The following ZFAND3 variants were observed in gnomAD, a reference collection of about 807,000 sequenced individuals.
ZFAND3 encodes the protein AN1-type zinc finger protein 3.
In ZFAND3, 10 loss-of-function variants were observed where a neutral mutation model predicts 29.6. The ratio of observed to expected loss-of-function variants is 0.34; its 90% confidence interval spans 0.21 to 0.57. The LOEUF (loss-of-function observed/expected upper bound fraction) is 0.57. Among genes scored for constraint, ZFAND3 ranks in the 20% least tolerant of loss-of-function variants. The pLI is 0.86. For synonymous variants in ZFAND3, 128 were observed against 112.6 expected (o/e 1.14, Z -0.87); for missense variants, 230 against 304.5 (o/e 0.76, Z 1.82).
intron 2 of ZFAND3, among the ~76,000 whole-genome samples, chr6:38,000,039 G>C (rs1762917731): frequency 5.9e-5 from 9 of 151,874 alleles, no homozygotes; most frequent in Admixed American, 5.9e-4. Context: ...AATAAATAAA[G>C]CTTTTTTAAA....
chr6:37,842,237 T>C (rs758962383), intron 1 of ZFAND3, among the ~76,000 whole-genome samples: 1 of 152,138 alleles, frequency 6.6e-6, no homozygotes, highest in Non-Finnish European at 1.5e-5. Context: ...CCCAAACCTT[T>C]ACCAGGAGAT....
chr6:37,943,902 C>T (rs1026116167), intron 2 of ZFAND3, among the ~76,000 whole-genome samples: 32 of 152,304 alleles, frequency 2.1e-4, no homozygotes, highest in Admixed American at 1.4e-3. Context: ...AGTTTCCTTT[C>T]TCCTTCCAGT....
chr6:37,850,878 G>T (rs1339770035), intron 1 of ZFAND3, among the ~76,000 whole-genome samples: 1 of 152,022 alleles, frequency 6.6e-6, no homozygotes, highest in Non-Finnish European at 1.5e-5. Context: ...GGGATTACAG[G>T]TGTGAGCCAC....
At chr6:38,053,348 T>C (rs561612411) in intron 2 of ZFAND3, among the ~76,000 whole-genome samples, 2 of 149,458 alleles carry the variant, frequency 1.3e-5, no homozygotes, top group East Asian at 2.0e-4. Context: ...TTGTGGAGAG[T>C]AGATCAGACT....
chr6:38,046,478 T>C (rs947151590), intron 2 of ZFAND3, among the ~76,000 whole-genome samples: 1 of 152,254 alleles, frequency 6.6e-6, no homozygotes, highest in Non-Finnish European at 1.5e-5. Flanking sequence ...ATGTGTTAGT[T>C]ATACCCAATT....
chr6:38,102,984 T>C (rs370168607), intron 4 of ZFAND3, among the ~76,000 whole-genome samples: 3 of 152,184 alleles, frequency 2.0e-5, no homozygotes, highest in South Asian at 4.1e-4. Flanking sequence ...CTTGAACTCC[T>C]GACCTCAGGT....
intron 5 of ZFAND3, among the ~76,000 whole-genome samples, chr6:38,121,999 C>G (rs1214633209): frequency 6.6e-6 from 1 of 152,232 alleles, no homozygotes; most frequent in Non-Finnish European, 1.5e-5. Flanking sequence ...AACTCTAGCA[C>G]TCCCTCAGCA....
At chr6:37,824,475 A>C (rs1055104316) in intron 1 of ZFAND3, among the ~76,000 whole-genome samples, 15 of 152,218 alleles carry the variant, frequency 9.9e-5, no homozygotes, top group Non-Finnish European at 8.8e-5. Context: ...GGTAATTAGG[A>C]TGGAAGATGG....
intron 2 of ZFAND3, among the ~76,000 whole-genome samples, chr6:37,966,551 T>TAA (rs1304233993): frequency 6.6e-6 from 1 of 152,084 alleles, no homozygotes; most frequent in African/African-American, 2.4e-5. Context: ...TTGCCAGACT[T>TAA]ACAGTTGAAT....
At chr6:38,103,315 T>G (rs1215897878) in intron 4 of ZFAND3, among the ~76,000 whole-genome samples, 2 of 151,618 alleles carry the variant, frequency 1.3e-5, no homozygotes, top group African/African-American at 4.9e-5. Context: ...CTTAACCGTA[T>G]ATGAAAATAA....
intron 4 of ZFAND3, among the ~76,000 whole-genome samples, chr6:38,092,080 C>A (rs1335264681): frequency 6.6e-6 from 1 of 152,180 alleles, no homozygotes; most frequent in Non-Finnish European, 1.5e-5. Context: ...ATTCCTCATA[C>A]CTGTGTCTGC....
intron 5 of ZFAND3, among the ~76,000 whole-genome samples, chr6:38,135,721 G>A (rs1765826796): frequency 6.6e-6 from 1 of 151,938 alleles, no homozygotes; most frequent in African/African-American, 2.4e-5. Context: ...TTCCAGCCTG[G>A]GCAACAGAGC....
intron 2 of ZFAND3, among the ~76,000 whole-genome samples, chr6:37,973,117 T>C (rs1334480892): frequency 6.6e-6 from 1 of 152,130 alleles, no homozygotes; most frequent in Non-Finnish European, 1.5e-5. Context: ...AGTTGCTGAT[T>C]TGGTAAAACT....
intron 1 of ZFAND3, among the ~76,000 whole-genome samples, chr6:37,899,875 T>G (rs1765287444): frequency 6.6e-6 from 1 of 152,224 alleles, no homozygotes; most frequent in African/African-American, 2.4e-5. Context: ...GGGAGTATCC[T>G]TCTACTTTGT....
At chr6:37,967,761 G>A (rs2127427108) in intron 2 of ZFAND3, among the ~76,000 whole-genome samples, 1 of 152,172 alleles carries the variant, frequency 6.6e-6, no homozygotes, top group Non-Finnish European at 1.5e-5. Context: ...GTCTTCTCTT[G>A]TATGTTGCCA....
At chr6:38,092,443 C>T (rs1764892221) in intron 4 of ZFAND3, among the ~76,000 whole-genome samples, 2 of 152,270 alleles carry the variant, frequency 1.3e-5, no homozygotes, top group Non-Finnish European at 2.9e-5. Context: ...ATGTTTATTT[C>T]AAAAAGTGAA....
chr6:37,860,953 A>G (rs1764479587), intron 1 of ZFAND3, among the ~76,000 whole-genome samples: 1 of 152,102 alleles, frequency 6.6e-6, no homozygotes, highest in South Asian at 2.1e-4. Flanking sequence ...TAAAAATGAG[A>G]GCAATGTCTA....
intron 1 of ZFAND3, among the ~76,000 whole-genome samples, chr6:37,848,600 G>T (rs1262442744): frequency 1.3e-5 from 2 of 152,124 alleles, no homozygotes; most frequent in African/African-American, 2.4e-5. Context: ...TATTTTTCTG[G>T]TAAGTTTTTA....
chr6:38,124,498 G>A (rs958108193), intron 5 of ZFAND3, among the ~76,000 whole-genome samples: 7 of 152,210 alleles, frequency 4.6e-5, no homozygotes, highest in East Asian at 1.9e-4. Context: ...GGCAGCTAAA[G>A]CCCGGTGAGA....
Sources: gnomAD v4.1 joint callset for allele counts (sites outside exome capture counted in the v4.1 genomes callset) on GRCh38, gnomAD v4.1.1 for gene constraint, MANE v1.5 for transcripts, NCBI Gene and HGNC (gene_info 2026-07-23, HGNC 2026-07-21) for gene names.